Variants in ROBO2 observed in about 807,000 individuals in gnomAD.
The protein encoded by ROBO2 is roundabout homolog 2.
Under a neutral mutation model 160.8 loss-of-function variants are expected in ROBO2, and 53 were observed. The ratio of observed to expected loss-of-function variants is 0.33; its 90% CI spans 0.26 to 0.41. The LOEUF is 0.41. Among genes scored for constraint, ROBO2 ranks in the 10% least tolerant of loss-of-function variants. ROBO2 has a pLI of 1.00. For missense variants in ROBO2, 1,577 were observed against 1,722.4 expected (o/e 0.92, Z 1.49); for synonymous variants, 664 against 611.7 (o/e 1.09, Z -1.26).
At position 76,570,136 on chromosome 3, in the gene ROBO2, A is replaced by C. The variant is rs573078863; in HGVS notation, c.110-527878A>C. Among the ~76,000 whole-genome samples the C allele has an allele frequency of 2.0e-5, 3 of 152,096 alleles. No homozygotes were observed. The East Asian group carries it at 5.8e-4, about 29-fold the overall frequency. ...GCAACAAAGCGAGACCCTGCCCCCA[A>C]AAATAAAAAATAAAGATTCTAATAA... is the stretch of plus-strand genomic sequence containing the variant. On this transcript the variant is annotated intron_variant, in intron 2 of 26. Transcript: ENST00000487694.
intron 2 of ROBO2, among the ~76,000 whole-genome samples, chr3:76,681,225 A>G (rs1487933467): frequency 6.6e-6 from 1 of 152,222 alleles, no homozygotes; most frequent in Non-Finnish European, 1.5e-5. Context: ...GATTAGAGAA[A>G]GAGAACCCAA....
At chr3:76,926,157 G>A (rs955093639) in intron 2 of ROBO2, among the ~76,000 whole-genome samples, 3 of 152,150 alleles carry the variant, frequency 2.0e-5, no homozygotes, top group African/African-American at 7.2e-5. Context: ...AAGCCTCACT[G>A]TATCTAAATG....
intron 2 of ROBO2, among the ~76,000 whole-genome samples, chr3:77,444,689 T>C (rs995616494): frequency 6.6e-6 from 1 of 152,200 alleles, no homozygotes; most frequent in South Asian, 2.1e-4. Flanking sequence ...TCTCAGTGGA[T>C]GACGTATAAA....
intron 2 of ROBO2, among the ~76,000 whole-genome samples, chr3:76,509,877 C>A (rs892143204): frequency 6.6e-6 from 1 of 152,028 alleles, no homozygotes; most frequent in Non-Finnish European, 1.5e-5. Context: ...AATTATACGA[C>A]GAGTAGAAAA....
At chr3:76,201,910 A>G (rs900124293) in intron 2 of ROBO2, among the ~76,000 whole-genome samples, 59 of 133,598 alleles carry the variant, frequency 4.4e-4, no homozygotes, top group South Asian at 1.7e-3. Context: ...AAAAAAAAAA[A>G]AGAGATTTAA....
chr3:77,374,466 T>G (rs187909315), intron 2 of ROBO2, among the ~76,000 whole-genome samples: 325 of 152,270 alleles, frequency 2.1e-3, no homozygotes, highest in Non-Finnish European at 3.0e-3. Context: ...AGCCACTTAT[T>G]TATTTTTAAT....
intron 2 of ROBO2, among the ~76,000 whole-genome samples, chr3:76,451,606 T>G (rs2077478503): frequency 6.6e-6 from 1 of 152,186 alleles, no homozygotes; most frequent in South Asian, 2.1e-4. Context: ...TGTGACCTCC[T>G]ACTCTGCAAA....
intron 2 of ROBO2, among the ~76,000 whole-genome samples, chr3:76,121,178 A>T (rs1272399735): frequency 6.6e-6 from 1 of 152,154 alleles, no homozygotes; most frequent in African/African-American, 2.4e-5. Flanking sequence ...TGAGGACAGC[A>T]ATTTCACAAT....
In ROBO2 at chr3:76,798,430, C is replaced by T. The variant is rs137865525; in HGVS notation, c.110-299584C>T. 1.4e-3 allele frequency among the ~76,000 whole-genome samples: 217 copies of T among 152,178 alleles called. 1 individual carries two copies. Among genetic ancestry groups the T allele is most frequent in the African/African-American group, 5.1e-3 (212 of 41,512 alleles). Reference sequence around the variant, plus strand: ...CCCTAAAAAGATCATTCAGCATGACCAATAGGGATTCATACCAGTGGTGCA... The same window carrying T: ...CCCTAAAAAGATCATTCAGCATGACTAATAGGGATTCATACCAGTGGTGCA... On this transcript the variant is annotated intron_variant, in intron 2 of 26. Transcript: ENST00000487694.
chr3:77,152,863 T>C (rs1230638967), intron 2 of ROBO2, among the ~76,000 whole-genome samples: 1 of 152,206 alleles, frequency 6.6e-6, no homozygotes, highest in South Asian at 2.1e-4. Context: ...ATTTCAGTTA[T>C]CTAACTTGAT....
chr3:75,964,584 T>C (rs1949038556), intron 2 of ROBO2, among the ~76,000 whole-genome samples: 1 of 151,674 alleles, frequency 6.6e-6, no homozygotes, highest in Admixed American at 6.6e-5. Context: ...ATATTTTATA[T>C]ATTTTGTATA....
chr3:76,386,749 G>T (rs1352253042), intron 2 of ROBO2, among the ~76,000 whole-genome samples: 1 of 152,102 alleles, frequency 6.6e-6, no homozygotes, highest in South Asian at 2.1e-4. Flanking sequence ...TGTTAATTCA[G>T]TGTTGAAGTG....
At chr3:76,394,512 C>T (rs2077323921) in intron 2 of ROBO2, among the ~76,000 whole-genome samples, 1 of 152,056 alleles carries the variant, frequency 6.6e-6, no homozygotes, top group Non-Finnish European at 1.5e-5. Context: ...GATGGGCATC[C>T]CTTTGTGGGT....
intron 2 of ROBO2, among the ~76,000 whole-genome samples, chr3:76,607,701 T>C (rs954111995): frequency 4.6e-5 from 7 of 152,236 alleles, no homozygotes; most frequent in Non-Finnish European, 7.3e-5. Flanking sequence ...TTTTGTGTTT[T>C]TGACATTCAC....
intron 2 of ROBO2, among the ~76,000 whole-genome samples, chr3:76,294,219 C>T (rs536567283): frequency 5.3e-5 from 8 of 152,240 alleles, no homozygotes; most frequent in African/African-American, 1.9e-4. Context: ...CTGGGCCTCC[C>T]AGAGTGCAGA....
chr3:76,523,023 T>TATA (rs2081725175), intron 2 of ROBO2, among the ~76,000 whole-genome samples: 2 of 148,114 alleles, frequency 1.4e-5, no homozygotes, highest in African/African-American at 4.9e-5. Flanking sequence ...TATAATATAT[T>TATA]TTATATATGT....
At chr3:76,324,376 A>G (rs1041102389) in intron 2 of ROBO2, among the ~76,000 whole-genome samples, 4 of 152,224 alleles carry the variant, frequency 2.6e-5, no homozygotes, top group Non-Finnish European at 4.4e-5. Context: ...CCTTAGGTAG[A>G]TAATAAAATT....
chr3:76,078,606 C>G (rs2068719118), intron 2 of ROBO2, among the ~76,000 whole-genome samples: 2 of 152,092 alleles, frequency 1.3e-5, no homozygotes, highest in African/African-American at 2.4e-5. Context: ...CTCAAGAGAT[C>G]CTCCTTCCTT....
chr3:76,216,283 A>C (rs1395219864), intron 2 of ROBO2, among the ~76,000 whole-genome samples: 1 of 152,208 alleles, frequency 6.6e-6, no homozygotes, highest in African/African-American at 2.4e-5. Flanking sequence ...TAACATCATA[A>C]TGAGAGGATA....
Sources: allele counts gnomAD v4.1 joint callset (sites outside exome capture counted in the v4.1 genomes callset), GRCh38; gene constraint gnomAD v4.1.1; transcripts MANE v1.5; gene names NCBI Gene and HGNC (gene_info 2026-07-23, HGNC 2026-07-21).